The following CDH10 variants were observed in gnomAD, a reference collection of about 807,000 sequenced individuals.
The protein encoded by CDH10 is cadherin-10.
In CDH10, 30 loss-of-function variants were observed where a neutral mutation model predicts 73.1. That is an observed-to-expected ratio of 0.41 (90% CI 0.31 to 0.56). The LOEUF (loss-of-function observed/expected upper bound fraction) is 0.56, where lower values mean the gene tolerates loss of function less well. Among genes scored for constraint, CDH10 ranks in the 20% least tolerant of loss-of-function variants. The pLI is 0.27. For synonymous variants in CDH10, 345 were observed against 348.2 expected (o/e 0.99, Z 0.10); for missense variants, 815 against 973.7 (o/e 0.84, Z 2.17).
intron 5 of CDH10, among the ~76,000 whole-genome samples, chr5:24,533,969 T>C (rs1743846130): frequency 6.6e-6 from 1 of 152,102 alleles, no homozygotes; most frequent in African/African-American, 2.4e-5. Context: ...AAATTCTATA[T>C]GAATTTTGAA....
chr5:24,536,799 C>T (rs1452765911), intron 3 of CDH10, among the ~76,000 whole-genome samples: 1 of 151,732 alleles, frequency 6.6e-6, no homozygotes, highest in East Asian at 1.9e-4. Context: ...TGTATTTAAC[C>T]ATAGGTTTTC....
chr5:24,546,064 T>C (rs927266477), intron 2 of CDH10, among the ~76,000 whole-genome samples: 2 of 152,242 alleles, frequency 1.3e-5, no homozygotes, highest in African/African-American at 4.8e-5. Flanking sequence ...CGAGGGACTA[T>C]GGTCAAAGAG....
Position 24,557,974 on chromosome 5 carries a change from T to C in CDH10, c.232-20300A>G, listed in dbSNP as rs79534553. Among the ~76,000 whole-genome samples the C allele has an allele frequency of 1.5e-4, 23 of 151,884 alleles. No homozygotes were observed. In the East Asian group the frequency reaches 4.2e-3, roughly 28 times the overall value. On this transcript the variant is annotated intron_variant, in intron 2 of 11. Coordinates refer to ENST00000264463, the MANE Select transcript of CDH10 (RefSeq NM_006727.5). ...TTAAAACTTTCAACCACCCCCAGAA[T>C]TCAAATTTTTAGAAACAAGAGGCAA...
chr5:24,568,965 CTGTCCGTGGTGGCAGGCA>C (rs1745265120), intron 2 of CDH10, among the ~76,000 whole-genome samples: 2 of 151,896 alleles, frequency 1.3e-5, no homozygotes, highest in Non-Finnish European at 2.9e-5. Flanking sequence ...CAAAAATTAG[CTGTCCGTGGTGGCAGGCA>C]CCTGTAATCC....
At chr5:24,553,116 G>C (rs1477937885) in intron 2 of CDH10, among the ~76,000 whole-genome samples, 1 of 152,084 alleles carries the variant, frequency 6.6e-6, no homozygotes, top group Admixed American at 6.6e-5. Flanking sequence ...GGAGAATATT[G>C]AACCGACCAT....
intron 2 of CDH10, among the ~76,000 whole-genome samples, chr5:24,587,528 G>A (rs1336094251): frequency 6.6e-6 from 1 of 152,246 alleles, no homozygotes; most frequent in Non-Finnish European, 1.5e-5. Context: ...TGTGAATTAT[G>A]CAAATATGAA....
Position 24,505,208 on chromosome 5 carries a change from T to G in CDH10, c.1297A>C (p.Asn433His), listed in dbSNP as rs372226944. 39 of 1,612,748 alleles carry G rather than the reference T, an allele frequency of 2.4e-5. No homozygotes were observed. The highest frequency in any genetic ancestry group is 3.3e-5 in the Non-Finnish European group (39 of 1,179,002). Reference protein sequence around the residue: ...DRHTDLDRIFNIHSGNGSLYT... With the variant: ...DRHTDLDRIFHIHSGNGSLYT... ...AGAGATCCATTTCCTGAATGAATGT[T>G]AAAGATTCTGTCAAGGTCAGTATGG... Residue 433 changes from asparagine to histidine, a missense_variant, in exon 8 of 12, where the codon AAC becomes CAC. Transcript: ENST00000264463.
chr5:24,565,679 G>A (rs1745141351), intron 2 of CDH10, among the ~76,000 whole-genome samples: 1 of 152,094 alleles, frequency 6.6e-6, no homozygotes, highest in Non-Finnish European at 1.5e-5. Flanking sequence ...GAGGTCCTAA[G>A]AGTGGGACCC....
At chr5:24,513,621 G>A (rs1743000836) in intron 5 of CDH10, among the ~76,000 whole-genome samples, 1 of 152,152 alleles carries the variant, frequency 6.6e-6, no homozygotes, top group Non-Finnish European at 1.5e-5. Context: ...CTACATGTTG[G>A]AAGTCATTTC....
intron 2 of CDH10, among the ~76,000 whole-genome samples, chr5:24,547,414 G>A (rs771533992): frequency 1.3e-5 from 2 of 152,148 alleles, no homozygotes; most frequent in African/African-American, 2.4e-5. Context: ...GCTTTTTCCC[G>A]AGGGAATTTG....
chr5:24,499,170 G>T (rs549181329), intron 8 of CDH10, among the ~76,000 whole-genome samples: 108 of 152,066 alleles, frequency 7.1e-4, no homozygotes, highest in African/African-American at 2.2e-3. Context: ...TTATTATATG[G>T]CTACTTATCT....
intron 5 of CDH10, among the ~76,000 whole-genome samples, chr5:24,519,290 A>C (rs1468879533): frequency 6.6e-6 from 1 of 152,194 alleles, no homozygotes; most frequent in African/African-American, 2.4e-5. Flanking sequence ...AGTTTAGTTT[A>C]TAAAACAATA....
intron 3 of CDH10, among the ~76,000 whole-genome samples, 185 bp from the exon 4 acceptor site, chr5:24,536,007 C>A (rs539432319): frequency 6.6e-6 from 1 of 152,118 alleles, no homozygotes; most frequent in Admixed American, 6.6e-5. Flanking sequence ...AGTTCAAATA[C>A]ATAATATTTA....
intron 1 of CDH10, among the ~76,000 whole-genome samples, chr5:24,622,036 C>T (rs970902159): frequency 3.9e-5 from 6 of 152,150 alleles, no homozygotes; most frequent in Admixed American, 6.5e-5. Context: ...GCTCTTGCAA[C>T]GTCTTTGGCT....
chr5:24,629,163 A>C (rs1747615770), intron 1 of CDH10, among the ~76,000 whole-genome samples: 1 of 152,208 alleles, frequency 6.6e-6, no homozygotes, highest in Admixed American at 6.5e-5. Context: ...AATGAGTAAT[A>C]TCCTCTACCA....
intron 8 of CDH10, among the ~76,000 whole-genome samples, chr5:24,498,860 A>C (rs1742388149): frequency 6.6e-6 from 1 of 152,162 alleles, no homozygotes; most frequent in African/African-American, 2.4e-5. Flanking sequence ...ACTTCATTAT[A>C]ATTATATCAT....
intron 1 of CDH10, among the ~76,000 whole-genome samples, chr5:24,643,899 T>C (rs1310561180): frequency 6.6e-6 from 1 of 152,178 alleles, no homozygotes; most frequent in East Asian, 1.9e-4. Context: ...TGGATTTTAT[T>C]GCAGCAGAAA....
At chr5:24,604,871 T>TAA (rs71576696) in intron 1 of CDH10, among the ~76,000 whole-genome samples, 31 of 116,218 alleles carry the variant, frequency 2.7e-4, no homozygotes, top group African/African-American at 7.6e-4. Context: ...AAGATGTCTC[T>TAA]AAAAAAAAAA....
intron 1 of CDH10, among the ~76,000 whole-genome samples, chr5:24,644,158 A>G (rs1748142293): frequency 6.6e-6 from 1 of 152,208 alleles, no homozygotes. Context: ...ATAAGTGCAG[A>G]GTGAATCCAT....
Sources: gnomAD v4.1 joint callset for allele counts (sites outside exome capture counted in the v4.1 genomes callset) on GRCh38, gnomAD v4.1.1 for gene constraint, MANE v1.5 for transcripts, NCBI Gene and HGNC (gene_info 2026-07-23, HGNC 2026-07-21) for gene names.